The following UBE2U variants were observed in gnomAD, a reference collection of about 807,000 sequenced individuals.
UBE2U encodes ubiquitin conjugating enzyme E2 U, also known as ubiquitin-conjugating enzyme E2 U.
A neutral mutation model predicts 41.2 loss-of-function variants in UBE2U; 39 were observed. That is an observed-to-expected ratio of 0.95 (90% CI 0.73 to 1.24). The LOEUF is 1.24. UBE2U is among the 50% of genes most tolerant of loss of function. The probability of loss-of-function intolerance (pLI) is 0.00; values close to 1 mark genes in which losing one functional copy is unlikely to be tolerated. For synonymous variants in UBE2U, 107 were observed against 117.8 expected, an observed-to-expected ratio of 0.91 and a Z score of 0.60; for missense variants, 336 against 363.1, an observed-to-expected ratio of 0.93 and a Z score of 0.61.
intron 6 of UBE2U, among the ~76,000 whole-genome samples, chr1:64,231,556 G>A (rs1262506134): frequency 2.0e-5 from 3 of 152,190 alleles, no homozygotes; most frequent in Non-Finnish European, 4.4e-5. Context: ...AAGTGTGATT[G>A]TAAAAGTAAC....
At chr1:64,241,549 C>A in intron 7 of UBE2U, 103 bp from the exon 8 acceptor site, 1 of 776,258 alleles carries the variant, frequency 1.3e-6, no homozygotes, top group South Asian at 1.7e-5. Flanking sequence ...CATGTTATTG[C>A]CACATATCAA....
intron 7 of UBE2U, among the ~76,000 whole-genome samples, chr1:64,234,328 G>A (rs1355857957): frequency 6.6e-6 from 1 of 152,070 alleles, no homozygotes; most frequent in African/African-American, 2.4e-5. Flanking sequence ...AATCTTAGAT[G>A]TTTCCTACAT....
chr1:64,230,996 T>C (rs1484030459), intron 6 of UBE2U, among the ~76,000 whole-genome samples: 1 of 152,228 alleles, frequency 6.6e-6, no homozygotes, highest in Non-Finnish European at 1.5e-5. Context: ...AAAATATAGT[T>C]ACAGTTCTCT....
intron 1 of UBE2U, among the ~76,000 whole-genome samples, chr1:64,205,063 T>C (rs1285617356): frequency 2.0e-5 from 3 of 152,220 alleles, no homozygotes; most frequent in Non-Finnish European, 4.4e-5. Context: ...TTAATAACTA[T>C]GTGGATGCTC....
intron 5 of UBE2U, among the ~76,000 whole-genome samples, chr1:64,217,712 G>A (rs1317069492): frequency 6.6e-6 from 1 of 152,088 alleles, no homozygotes; most frequent in Non-Finnish European, 1.5e-5. Context: ...GATAAAAAAG[G>A]AGGATCATCT....
chr1:64,258,263 T>C (rs190944569), intron 8 of UBE2U, among the ~76,000 whole-genome samples: 1 of 152,352 alleles, frequency 6.6e-6, no homozygotes, highest in East Asian at 1.9e-4. Context: ...TGAATATTTA[T>C]TAAATGAATG....
intron 6 of UBE2U, among the ~76,000 whole-genome samples, chr1:64,223,893 T>C (rs1281197144): frequency 6.6e-6 from 1 of 152,156 alleles, no homozygotes; most frequent in African/African-American, 2.4e-5. Flanking sequence ...GCAGGACATC[T>C]TTCCAACAGC....
chr1:64,213,318 C>G (rs1569965758), intron 4 of UBE2U, among the ~76,000 whole-genome samples: 1 of 152,302 alleles, frequency 6.6e-6, no homozygotes, highest in Middle Eastern at 3.4e-3. Flanking sequence ...TCCCCTCTGC[C>G]TGGCAACTCA....
At chr1:64,261,969 A>C (rs748420491) in intron 9 of UBE2U, among the ~76,000 whole-genome samples, 2 of 152,128 alleles carry the variant, frequency 1.3e-5, no homozygotes, top group Non-Finnish European at 2.9e-5. Context: ...GACACAGAAA[A>C]TCCTTAATGC....
At chr1:64,255,606 G>A (rs889436321) in intron 8 of UBE2U, among the ~76,000 whole-genome samples, 17 of 152,208 alleles carry the variant, frequency 1.1e-4, no homozygotes, top group Admixed American at 2.0e-4. Flanking sequence ...TAGGGTGCAA[G>A]GTTGGCTCAA....
At position 64,232,628 on chromosome 1, in the gene UBE2U, AC is replaced by A. The variant is rs1557723406; in HGVS notation, c.575del (p.Thr192LysfsTer34). ...GTCCAGAATAGCTACATCAAAAGCC[AC>A]AGAATACTACAGAACTCCATGTAAG... is the stretch of plus-strand genomic sequence containing the variant. Reference protein sequence around the residue: ...TWSRIATSKATEYYRTPLLKV... With the variant: ...TWSRIATSKAXEYYRTPLLKV... On this transcript the variant is annotated frameshift_variant, in exon 7 of 10. Coordinates refer to ENST00000371077, the MANE Select transcript of UBE2U (RefSeq NM_001366232.2). LOFTEE classifies it high-confidence loss of function. 6.2e-7 allele frequency: 1 copy of A among 1,612,902 alleles called. No individual in the cohort carries two copies.
At chr1:64,213,222 T>C (rs974833332) in intron 4 of UBE2U, among the ~76,000 whole-genome samples, 2 of 152,188 alleles carry the variant, frequency 1.3e-5, no homozygotes, top group African/African-American at 4.8e-5. Flanking sequence ...TTCATGCTTT[T>C]CTGCACTCAC....
rs1210807464 is a variant in UBE2U, at chr1:64,267,224, A to T, written c.*16A>T. 2 of 1,473,150 alleles carry T rather than the reference A, an allele frequency of 1.4e-6. No individual in the cohort carries two copies. The highest frequency in any genetic ancestry group is 5.1e-5 in the East Asian group (2 of 39,050). 91.3% of individuals were successfully genotyped at this position (1,473,150 alleles called of 1,614,324 possible). On this transcript the variant is annotated 3_prime_UTR_variant, in exon 10 of 10. Coordinates refer to ENST00000371077, the MANE Select transcript of UBE2U (RefSeq NM_001366232.2). Reference sequence around the variant, plus strand: ...AGAAGATTAAGCAGAACATTATCAGATTCAAAAAATAAACAGCCTCCGCCA... The same window carrying T: ...AGAAGATTAAGCAGAACATTATCAGTTTCAAAAAATAAACAGCCTCCGCCA...
At position 64,232,652 on chromosome 1, in the gene UBE2U, A is replaced by G. The variant is rs1301864045; in HGVS notation, c.595+3A>G. On this transcript the variant is annotated splice_donor_region_variant and intron_variant, in intron 7 of 9. Coordinates refer to ENST00000371077, the MANE Select transcript of UBE2U (RefSeq NM_001366232.2). ...CACAGAATACTACAGAACTCCATGT[A>G]AGGTGAACTATCCTTATCCTATGTC... is the stretch of plus-strand genomic sequence containing the variant. The G allele has an allele frequency of 1.2e-6, 2 of 1,606,656 alleles. No homozygotes were observed. Among genetic ancestry groups the G allele is most frequent in the Non-Finnish European group, 1.7e-6 (2 of 1,174,226 alleles).
chr1:64,206,992 G>T, intron 3 of UBE2U, 136 bp downstream of exon 3: 1 of 647,540 alleles, frequency 1.5e-6, no homozygotes, highest in Admixed American at 3.3e-5. Flanking sequence ...AATATGAAAA[G>T]GCTGGAAAAA....
At chr1:64,212,827 T>C (rs1651742748) in intron 4 of UBE2U, among the ~76,000 whole-genome samples, 2 of 152,176 alleles carry the variant, frequency 1.3e-5, no homozygotes, top group African/African-American at 2.4e-5. Flanking sequence ...GAACCTCTAG[T>C]TAGTTAACAT....
At chr1:64,244,720 C>T (rs1231009806) in intron 8 of UBE2U, among the ~76,000 whole-genome samples, 1 of 152,128 alleles carries the variant, frequency 6.6e-6, no homozygotes, top group African/African-American at 2.4e-5. Context: ...CCTCTCTCTC[C>T]ATATTCTCTG....
At chr1:64,219,950 G>A (rs181069890) in intron 5 of UBE2U, among the ~76,000 whole-genome samples, 49 of 152,144 alleles carry the variant, frequency 3.2e-4, no homozygotes, top group South Asian at 1.5e-3. Context: ...CTCTTTGTTC[G>A]TTGTATATTC....
chr1:64,240,780 G>C (rs182196899), intron 7 of UBE2U, among the ~76,000 whole-genome samples: 28 of 151,720 alleles, frequency 1.8e-4, no homozygotes, highest in Admixed American at 1.3e-3. Flanking sequence ...ATTTATTTTT[G>C]AGACAGGGTC....
Sources: allele counts gnomAD v4.1 joint callset (sites outside exome capture counted in the v4.1 genomes callset), GRCh38; gene constraint gnomAD v4.1.1; transcripts MANE v1.5; gene names NCBI Gene and HGNC (gene_info 2026-07-23, HGNC 2026-07-21).